ROBO1: variants seen among roughly 807,000 people sequenced by gnomAD.
The protein encoded by ROBO1 is roundabout guidance receptor 1.
A neutral mutation model predicts 195.9 loss-of-function variants in ROBO1; 149 were observed. The ratio of observed to expected loss-of-function variants is 0.76; its 90% confidence interval spans 0.67 to 0.87. The LOEUF is 0.87. Ranked by LOEUF, ROBO1 falls within the 40% of genes least tolerant of loss-of-function variation. The pLI is 0.00. For synonymous variants in ROBO1, 816 were observed against 733.2 expected, an observed-to-expected ratio of 1.11 and a Z score of -1.82; for missense variants, 1,933 against 2,068.3, an observed-to-expected ratio of 0.93 and a Z score of 1.27.
chr3:79,729,812 G>A (rs976690615), intron 1 of ROBO1, among the ~76,000 whole-genome samples: 1 of 152,144 alleles, frequency 6.6e-6, no homozygotes, highest in Non-Finnish European at 1.5e-5. Context: ...TGAGTCCAGA[G>A]GCTAAATACG....
chr3:78,972,373 T>A (rs556695024), intron 3 of ROBO1, among the ~76,000 whole-genome samples: 2 of 152,264 alleles, frequency 1.3e-5, no homozygotes, highest in African/African-American at 4.8e-5. Context: ...TTCACAAACA[T>A]GAAAAATGGA....
In ROBO1 at chr3:78,600,299, T is replaced by C. The variant is rs759074245; in HGVS notation, c.4755A>G (p.Leu1585=). 3 of 1,601,646 alleles carry C rather than the reference T, an allele frequency of 1.9e-6. No homozygotes were observed. Among genetic ancestry groups the C allele is most frequent in the East Asian group, 2.2e-5 (1 of 44,796 alleles). ...TTGGAAAAGTAGGTCTACAATAAGG[T>C]AGAATATCCTCTGTGTAATGAAATA... ...AKTHLIQEDI[L]PYCRPTFPTS... The change falls in exon 30 of 31, where the codon CTA becomes CTG. Residue 1585 remains leucine, a synonymous_variant. Transcript: ENST00000464233.
chr3:79,446,733 C>T (rs1353696994), intron 2 of ROBO1, among the ~76,000 whole-genome samples: 1 of 152,114 alleles, frequency 6.6e-6, no homozygotes, highest in Non-Finnish European at 1.5e-5. Context: ...ACATTATGTT[C>T]TACTCTCTTA....
chr3:79,570,701 A>G (rs1943250620), intron 2 of ROBO1, among the ~76,000 whole-genome samples: 1 of 152,192 alleles, frequency 6.6e-6, no homozygotes, highest in African/African-American at 2.4e-5. Flanking sequence ...CAGAAAAACA[A>G]TCGTGCTGTG....
chr3:79,323,742 T>C (rs1456561929), intron 2 of ROBO1, among the ~76,000 whole-genome samples: 1 of 152,186 alleles, frequency 6.6e-6, no homozygotes, highest in Non-Finnish European at 1.5e-5. Context: ...ATTTTTAGAA[T>C]TAACTTTTGG....
At chr3:78,705,289 A>G (rs1430241138) in intron 8 of ROBO1, among the ~76,000 whole-genome samples, 2 of 152,254 alleles carry the variant, frequency 1.3e-5, no homozygotes, top group Non-Finnish European at 2.9e-5. Context: ...AGAAGCTGAG[A>G]AAAACAATCA....
chr3:79,549,513 G>T (rs2107667283), intron 2 of ROBO1, among the ~76,000 whole-genome samples: 1 of 152,118 alleles, frequency 6.6e-6, no homozygotes, highest in Non-Finnish European at 1.5e-5. Context: ...AATTGTGCCT[G>T]TATTAAACAT....
rs2108309623 is a variant in ROBO1 at position 79,033,581 on chromosome 3, C to A, written c.172+91875G>T. Reference sequence around the variant, plus strand: ...TTTACCACTACATGCTGCTTTAATGCTTGATTACATTTATTTCAAAAAGAT... The same window carrying A: ...TTTACCACTACATGCTGCTTTAATGATTGATTACATTTATTTCAAAAAGAT... On this transcript the variant is annotated intron_variant, in intron 3 of 30. Transcript: ENST00000464233. 1.3e-5 allele frequency among the ~76,000 whole-genome samples: 2 copies of A among 152,220 alleles called. 1 individual carries two copies. The highest frequency in any genetic ancestry group is 4.1e-4 in the South Asian group (2 of 4,832).
intron 1 of ROBO1, among the ~76,000 whole-genome samples, chr3:79,654,005 G>T (rs962310358): frequency 6.6e-6 from 1 of 151,928 alleles, no homozygotes; most frequent in Non-Finnish European, 1.5e-5. Context: ...CTATCGATTT[G>T]TGAGTTAAAA....
At chr3:79,765,055 G>T (rs369680370) in intron 1 of ROBO1, among the ~76,000 whole-genome samples, 1 of 152,160 alleles carries the variant, frequency 6.6e-6, no homozygotes, top group Non-Finnish European at 1.5e-5. Context: ...GAAGCGAAGG[G>T]AAGTAAAAGG....
intron 2 of ROBO1, among the ~76,000 whole-genome samples, chr3:79,240,015 T>C (rs1461183990): frequency 6.6e-6 from 1 of 152,188 alleles, no homozygotes; most frequent in Non-Finnish European, 1.5e-5. Flanking sequence ...AATTAACATA[T>C]CCATTACCTC....
chr3:78,937,152 G>A (rs908573293), intron 4 of ROBO1, among the ~76,000 whole-genome samples: 4 of 151,950 alleles, frequency 2.6e-5, no homozygotes, highest in Non-Finnish European at 5.9e-5. Flanking sequence ...AGTAATATGA[G>A]GCTCTGGGAG....
At chr3:78,767,929 T>C (rs1323508939) in intron 4 of ROBO1, among the ~76,000 whole-genome samples, 1 of 152,168 alleles carries the variant, frequency 6.6e-6, no homozygotes, top group African/African-American at 2.4e-5. Flanking sequence ...TATTTAGTTC[T>C]GCTATAATCT....
At chr3:79,213,219 T>G (rs1021106315) in intron 2 of ROBO1, among the ~76,000 whole-genome samples, 10 of 152,106 alleles carry the variant, frequency 6.6e-5, no homozygotes, top group South Asian at 4.1e-4. Flanking sequence ...CACTCCAGCC[T>G]GTATGACAGA....
intron 3 of ROBO1, among the ~76,000 whole-genome samples, chr3:78,977,767 G>A (rs565499459): frequency 6.6e-6 from 1 of 152,068 alleles, no homozygotes. Flanking sequence ...CCTACTCACT[G>A]AGGTATGCAC....
chr3:78,770,930 T>A (rs953244100), intron 4 of ROBO1, among the ~76,000 whole-genome samples: 10 of 152,062 alleles, frequency 6.6e-5, no homozygotes, highest in African/African-American at 2.4e-4. Flanking sequence ...TAGCTGGGAA[T>A]GTTGCTTCCA....
At chr3:79,640,421 C>G (rs1487418560) in intron 1 of ROBO1, among the ~76,000 whole-genome samples, 1 of 151,950 alleles carries the variant, frequency 6.6e-6, no homozygotes, top group Non-Finnish European at 1.5e-5. Context: ...TCCATTAAAC[C>G]TCTTTTTCTT....
At chr3:79,104,509 C>T (rs2079739386) in intron 3 of ROBO1, among the ~76,000 whole-genome samples, 1 of 151,676 alleles carries the variant, frequency 6.6e-6, no homozygotes, top group African/African-American at 2.4e-5. Flanking sequence ...CAAGAGCAGA[C>T]ACCTGGTTTA....
At chr3:79,294,055 C>A (rs1576934365) in intron 2 of ROBO1, among the ~76,000 whole-genome samples, 1 of 29,980 alleles carries the variant, frequency 3.3e-5, no homozygotes, top group Non-Finnish European at 5.2e-5. Context: ...GAGACTCCAT[C>A]TCAAAAAAAA....
Sources: gnomAD v4.1 joint callset for allele counts (sites outside exome capture counted in the v4.1 genomes callset) on GRCh38, gnomAD v4.1.1 for gene constraint, MANE v1.5 for transcripts, NCBI Gene and HGNC (gene_info 2026-07-23, HGNC 2026-07-21) for gene names.